The following KHDC1 variants were observed in gnomAD, a reference collection of about 807,000 sequenced individuals.
KHDC1 encodes KH domain containing 1.
KHDC1 carries 21 observed loss-of-function variants against 24.7 expected under a neutral mutation model. The observed-to-expected ratio is 0.85, with a 90% CI of 0.60 to 1.23. KHDC1 has a LOEUF of 1.23. KHDC1 is among the 50% of genes most tolerant of loss of function. The pLI, the probability that KHDC1 is intolerant of heterozygous loss-of-function variation, is 0.00. For missense variants in KHDC1, 274 were observed against 298.5 expected (o/e 0.92, Z 0.61); for synonymous variants, 98 against 111.7 (o/e 0.88, Z 0.77).
intron 2 of KHDC1, among the ~76,000 whole-genome samples, chr6:73,257,820 T>C (rs1204558397): frequency 1.3e-5 from 2 of 152,110 alleles, no homozygotes; most frequent in African/African-American, 4.8e-5. Context: ...ATATATGAAA[T>C]ATCTAGGCCA....
intron 2 of KHDC1, among the ~76,000 whole-genome samples, chr6:73,243,554 T>C (rs1288606635): frequency 6.6e-6 from 1 of 152,216 alleles, no homozygotes; most frequent in East Asian, 1.9e-4. Flanking sequence ...ACAGTAGCAT[T>C]TAAGGCTGAA....
intron 2 of KHDC1, among the ~76,000 whole-genome samples, chr6:73,255,214 CTT>C (rs765910035): frequency 3.3e-5 from 4 of 121,250 alleles, no homozygotes; most frequent in African/African-American, 6.2e-5. Flanking sequence ...AAAAAATAAA[CTT>C]TTTTTTTTTT....
intron 2 of KHDC1, among the ~76,000 whole-genome samples, chr6:73,280,017 T>G (rs1582574077): frequency 6.6e-6 from 1 of 152,210 alleles, no homozygotes; most frequent in African/African-American, 2.4e-5. Flanking sequence ...CTTTGGCCTA[T>G]TCACAGTTTA....
At chr6:73,283,341 A>AAAT (rs1767450404) in intron 2 of KHDC1, among the ~76,000 whole-genome samples, 1 of 151,590 alleles carries the variant, frequency 6.6e-6, no homozygotes, top group East Asian at 1.9e-4. Flanking sequence ...TTTTTTTTTA[A>AAAT]AAAGAAGCAG....
intron 2 of KHDC1, among the ~76,000 whole-genome samples, chr6:73,281,674 C>T (rs903172852): frequency 6.6e-5 from 10 of 150,448 alleles, no homozygotes; most frequent in African/African-American, 2.2e-4. Flanking sequence ...GAGGATAGTA[C>T]AGAGTGCCCA....
intron 2 of KHDC1, among the ~76,000 whole-genome samples, chr6:73,273,102 G>A (rs1432438631): frequency 6.8e-5 from 10 of 148,110 alleles, no homozygotes; most frequent in African/African-American, 2.2e-4. Context: ...CAGGTGATCC[G>A]CCCACCTCGG....
intron 2 of KHDC1, among the ~76,000 whole-genome samples, chr6:73,254,809 T>A (rs1441423597): frequency 6.6e-6 from 1 of 152,108 alleles, no homozygotes; most frequent in East Asian, 1.9e-4. Context: ...GAGACCAGCC[T>A]GGCTAACACA....
intron 2 of KHDC1, among the ~76,000 whole-genome samples, chr6:73,277,924 T>A (rs1346253290): frequency 6.6e-6 from 1 of 152,012 alleles, no homozygotes; most frequent in Non-Finnish European, 1.5e-5. Context: ...TGGTTTTTAC[T>A]GTTTGTGAAG....
intron 2 of KHDC1, among the ~76,000 whole-genome samples, chr6:73,249,200 T>C (rs1487059470): frequency 6.6e-6 from 1 of 152,072 alleles, no homozygotes; most frequent in Non-Finnish European, 1.5e-5. Flanking sequence ...GGCAGGAGGA[T>C]TGCTTGAACC....
chr6:73,296,196 T>C (rs1582586791), intron 1 of KHDC1, among the ~76,000 whole-genome samples: 1 of 151,458 alleles, frequency 6.6e-6, no homozygotes, highest in Non-Finnish European at 1.5e-5. Flanking sequence ...GGCTCATGTC[T>C]ATAATCCTAG....
chr6:73,254,469 AAT>A (rs1425809415), intron 2 of KHDC1, among the ~76,000 whole-genome samples: 196 of 26,002 alleles, frequency 7.5e-3, no homozygotes, highest in East Asian at 0.014. Context: ...TTAAAATAAA[AAT>A]AAATAAATAA....
intron 4 of KHDC1, 115 bp from the exon 4 acceptor site, chr6:73,241,843 C>A: frequency 8.4e-7 from 1 of 1,197,526 alleles, no homozygotes; most frequent in Non-Finnish European, 1.2e-6. Context: ...CCAGACCTTC[C>A]AAGGTAGCCC....
intron 1 of KHDC1, chr6:73,300,667 T>C (rs1767856964): frequency 6.6e-6 from 1 of 152,134 alleles, no homozygotes; most frequent in South Asian, 2.1e-4. Context: ...CAACTTAGGA[T>C]TCACTCCCCC....
chr6:73,306,415 C>T (rs1316930244), intron 1 of KHDC1, among the ~76,000 whole-genome samples: 1 of 152,130 alleles, frequency 6.6e-6, no homozygotes, highest in Non-Finnish European at 1.5e-5. Flanking sequence ...CAGGTTTTCC[C>T]ATCCAGGAGC....
At chr6:73,281,467 A>C (rs1767407704) in intron 2 of KHDC1, among the ~76,000 whole-genome samples, 1 of 145,054 alleles carries the variant, frequency 6.9e-6, no homozygotes, top group Non-Finnish European at 1.5e-5. Flanking sequence ...AATATAAAAA[A>C]TCAGCCAGGC....
intron 1 of KHDC1, among the ~76,000 whole-genome samples, chr6:73,305,523 A>T (rs1407382752): frequency 6.6e-6 from 1 of 152,154 alleles, no homozygotes; most frequent in Non-Finnish European, 1.5e-5. Context: ...AATATTGAAG[A>T]AGAGCACACA....
intron 2 of KHDC1, among the ~76,000 whole-genome samples, chr6:73,251,805 T>A (rs1766781796): frequency 6.6e-6 from 1 of 151,362 alleles, no homozygotes; most frequent in Non-Finnish European, 1.5e-5. Context: ...TTTTCTTTTT[T>A]TTTTTTTAAT....
intron 2 of KHDC1, among the ~76,000 whole-genome samples, chr6:73,267,818 A>G (rs957506462): frequency 6.6e-6 from 1 of 151,402 alleles, no homozygotes; most frequent in African/African-American, 2.4e-5. Context: ...TGATTTAGAC[A>G]TACAACGGAA....
At chr6:73,263,067 G>GGCGGCGGCGGCA (rs1360572238) in intron 2 of KHDC1, 2 of 108,784 alleles carry the variant, frequency 1.8e-5, no homozygotes, top group African/African-American at 4.3e-5. Context: ...CGGCGGCGGC[G>GGCGGCGGCGGCA]GCAGCGGCGG....
Sources: gnomAD v4.1 joint callset for allele counts (sites outside exome capture counted in the v4.1 genomes callset) on GRCh38, gnomAD v4.1.1 for gene constraint, MANE v1.5 for transcripts, NCBI Gene and HGNC (gene_info 2026-07-23, HGNC 2026-07-21) for gene names.